PFAS: variants seen among roughly 807,000 people sequenced by gnomAD.
The protein encoded by PFAS is phosphoribosylformylglycinamidine synthase, also known as FGAM synthase.
Under a neutral mutation model 140.6 loss-of-function variants are expected in PFAS, and 97 were observed. The ratio of observed to expected loss-of-function variants is 0.69; its 90% CI spans 0.59 to 0.82. The LOEUF (loss-of-function observed/expected upper bound fraction) is 0.82. PFAS is among the 40% of genes least tolerant of loss of function. The pLI, the probability that PFAS is intolerant of heterozygous loss-of-function variation, is 0.00. For synonymous variants in PFAS, 679 were observed against 718.8 expected, an observed-to-expected ratio of 0.94 and a Z score of 0.88; for missense variants, 1,656 against 1,780.2, an observed-to-expected ratio of 0.93 and a Z score of 1.26.
At chr17:8,264,383 A>T (rs374843816) in intron 16 of PFAS, 46 bp downstream of exon 16, 1 of 1,612,176 alleles carries the variant, frequency 6.2e-7, no homozygotes, top group African/African-American at 1.3e-5. Context: ...TCCTCTCCAC[A>T]CCACCCTTTA....
chr17:8,255,440 G>C, intron 4 of PFAS, 62 bp from the exon 5 acceptor site: 1 of 1,261,266 alleles, frequency 7.9e-7, no homozygotes, highest in Non-Finnish European at 1.1e-6. Flanking sequence ...GTAGGAAGGT[G>C]GACCATTTCT....
rs1989701758 is a variant in PFAS at position 8,263,950 on chromosome 17, G to A, written c.1791+14G>A. 1.9e-6 allele frequency: 3 copies of A among 1,610,054 alleles called. No individual in the cohort carries two copies. In the East Asian group the frequency reaches 6.7e-5, roughly 36 times the overall value. On this transcript the variant is annotated intron_variant, in intron 15 of 27. Coordinates refer to ENST00000314666, the MANE Select transcript of PFAS (RefSeq NM_012393.3). ...GGAGACCGGAGAGTGAGTTGGCCCA[G>A]GGAGTTGGGAGCAAACACTGGGGCA...
chr17:8,256,060 C>A (rs979538988), intron 6 of PFAS, 150 bp downstream of exon 6: 1 of 805,274 alleles, frequency 1.2e-6, no homozygotes, highest in Non-Finnish European at 2.0e-6. Flanking sequence ...AGTCTACATT[C>A]AAATCTTGGT....
At chr17:8,259,061 A>G (rs962724550) in intron 11 of PFAS, among the ~76,000 whole-genome samples, 3 of 150,158 alleles carry the variant, frequency 2.0e-5, no homozygotes, top group Non-Finnish European at 3.0e-5. Flanking sequence ...CACAAGAACC[A>G]CTTGAAGCTG....
chr17:8,263,645 C>T lies in PFAS; in HGVS notation c.1629+9C>T, dbSNP rs1567642295. The stretch of plus-strand genomic sequence containing the variant: ...ACACCAGCCGCTTCCAGGTGGGTCT[C>T]GTCCCCTGAAGTGTGACATTTTCCC... On this transcript the variant is annotated intron_variant, in intron 14 of 27. Coordinates refer to ENST00000314666, the MANE Select transcript of PFAS (RefSeq NM_012393.3). 12 of 1,613,224 alleles carry T rather than the reference C, an allele frequency of 7.4e-6. No individual in the cohort carries two copies. Among genetic ancestry groups the T allele is most frequent in the East Asian group, 4.5e-5 (2 of 44,882 alleles).
At chr17:8,254,337 T>A (rs764699559) in intron 3 of PFAS, 36 bp downstream of exon 3, 7 of 1,610,758 alleles carry the variant, frequency 4.3e-6, no homozygotes, top group Non-Finnish European at 5.9e-6. Context: ...TTTCTTCTGC[T>A]TTCCTTTGCT....
chr17:8,256,768 T>G, intron 8 of PFAS, 67 bp from the exon 9 acceptor site: 1 of 1,554,314 alleles, frequency 6.4e-7, no homozygotes, highest in South Asian at 1.2e-5. Context: ...TTATTTTCAG[T>G]GGGGGTGGTC....
At chr17:8,255,727 T>C (rs565616626) in intron 5 of PFAS, 36 bp downstream of exon 5, 3 of 1,604,812 alleles carry the variant, frequency 1.9e-6, no homozygotes, top group African/African-American at 2.7e-5. Context: ...GGGTCCAGGA[T>C]AGGCCAGTAG....
At chr17:8,258,408 C>G (rs971429112) in intron 11 of PFAS, among the ~76,000 whole-genome samples, 3 of 152,168 alleles carry the variant, frequency 2.0e-5, no homozygotes, top group Non-Finnish European at 4.4e-5. Flanking sequence ...TGTACATACA[C>G]AAACCTAGAT....
At position 8,267,469 on chromosome 17, in the gene PFAS, C is replaced by T. The variant is rs368036540; in HGVS notation, c.3267+6C>T. On this transcript the variant is annotated splice_donor_region_variant and intron_variant, in intron 25 of 27. Coordinates refer to ENST00000314666, the MANE Select transcript of PFAS (RefSeq NM_012393.3). This position sits in a 1 kb window ranked among gnomAD's most constrained non-coding sequence, Gnocchi z 4.9. ...TCCACTTAGCTGGGTTTGAGGTGAGCAGGGTAGGGGGCAGCTGGGGGTGAT... is the reference window on the plus strand; with the variant it reads ...TCCACTTAGCTGGGTTTGAGGTGAGTAGGGTAGGGGGCAGCTGGGGGTGAT... The T allele has an allele frequency of 4.8e-5, 78 of 1,612,434 alleles. No homozygotes were observed. Among genetic ancestry groups the T allele is most frequent in the Non-Finnish European group, 6.4e-5 (76 of 1,178,564 alleles).
intron 15 of PFAS, 78 bp downstream of exon 15, chr17:8,264,014 T>A: frequency 6.5e-7 from 1 of 1,548,068 alleles, no homozygotes. Flanking sequence ...GGGAGAGCTG[T>A]CAAGGGAGAG....
In PFAS at chr17:8,269,402, A is replaced by C. The variant is rs2151599380; in HGVS notation, c.*138A>C. ...ACAAGGACCAAAATGCCAAAATCTC[A>C]GCGGACTCGATAATCTGCCTGCTGA... is the stretch of plus-strand genomic sequence containing the variant. On this transcript the variant is annotated 3_prime_UTR_variant, in exon 28 of 28. Coordinates refer to ENST00000314666, the MANE Select transcript of PFAS (RefSeq NM_012393.3). 5 of 623,358 alleles carry C rather than the reference A, an allele frequency of 8.0e-6. No individual in the cohort carries two copies. Among genetic ancestry groups the C allele is most frequent in the South Asian group, 2.1e-5 (1 of 48,348 alleles). 38.6% of individuals were successfully genotyped at this position (623,358 alleles called of 1,614,324 possible).
intron 9 of PFAS, 52 bp from the exon 10 acceptor site, chr17:8,257,755 C>T (rs1989429875): frequency 1.2e-6 from 2 of 1,603,698 alleles, no homozygotes; most frequent in South Asian, 2.2e-5. Context: ...GCTGCTCCGG[C>T]CTGTCTTCAC....
intron 1 of PFAS, among the ~76,000 whole-genome samples, chr17:8,253,252 A>G (rs1989228908): frequency 6.6e-6 from 1 of 152,190 alleles, no homozygotes; most frequent in African/African-American, 2.4e-5. Flanking sequence ...GTGAGAGCAG[A>G]CAGAGTTTCT....
At chr17:8,258,315 C>G (rs2151582987) in intron 11 of PFAS, 116 bp downstream of exon 11, 2 of 1,121,450 alleles carry the variant, frequency 1.8e-6, no homozygotes, top group Non-Finnish European at 2.6e-6. Context: ...GTTGGCTTAT[C>G]TTATGTGTCA....
Position 8,266,602 on chromosome 17 carries a change from C to CCGT in PFAS, c.2822-149_2822-147dup, listed in dbSNP as rs1989823709. The CCGT allele has an allele frequency of 6.8e-7, 1 of 1,478,642 alleles. No individual in the cohort carries two copies. Among genetic ancestry groups the CCGT allele is most frequent in the African/African-American group, 1.4e-5 (1 of 70,870 alleles). The allele number at this position is 1,478,642 out of a possible 1,614,324, so 91.6% of individuals were successfully genotyped here. The stretch of plus-strand genomic sequence containing the variant: ...CCATGATGAAACATCCTCAGTCCTG[C>CCGT]CGTCCTAGCCCTCATCCTCCCTGAT... On this transcript the variant is annotated intron_variant, in intron 22 of 27. Coordinates refer to ENST00000314666, the MANE Select transcript of PFAS (RefSeq NM_012393.3). The surrounding 1 kb of genome is among the most constrained non-coding windows in gnomAD (Gnocchi z 5.0).
chr17:8,255,788 C>T lies in PFAS; in HGVS notation c.575-17C>T. 3.1e-6 allele frequency: 5 copies of T among 1,610,880 alleles called. No homozygotes were observed. The highest frequency in any genetic ancestry group is 4.2e-6 in the Non-Finnish European group (5 of 1,177,066). On this transcript the variant is annotated splice_polypyrimidine_tract_variant and intron_variant, in intron 5 of 27. Coordinates refer to ENST00000314666, the MANE Select transcript of PFAS (RefSeq NM_012393.3). ...GCCTGAGTTCCATAGTCACCTCTTC[C>T]TGGATTTGTCTCCTAGGTCTGGCTT...
At chr17:8,265,495 G>T (rs769755699) in intron 19 of PFAS, 27 bp downstream of exon 19, 5 of 1,613,188 alleles carry the variant, frequency 3.1e-6, no homozygotes, top group Non-Finnish European at 2.5e-6. Flanking sequence ...CCAGGGAGGG[G>T]AGGAGGAACT....
upstream of PFAS, chr17:8,248,171 C>G: frequency 1.4e-6 from 1 of 712,816 alleles, no homozygotes; most frequent in Non-Finnish European, 2.5e-6. Flanking sequence ...TGCTCACCCC[C>G]TCGCTTCCTA....
Sources: allele counts gnomAD v4.1 joint callset (sites outside exome capture counted in the v4.1 genomes callset), GRCh38; gene constraint gnomAD v4.1.1; non-coding constraint Gnocchi (gnomAD v3.1); transcripts MANE v1.5; gene names NCBI Gene and HGNC (gene_info 2026-07-23, HGNC 2026-07-21).